Variants in CNTNAP5 observed in about 807,000 individuals in gnomAD.
CNTNAP5 encodes the protein contactin associated protein family member 5.
Under a neutral mutation model 150.2 loss-of-function variants are expected in CNTNAP5, and 72 were observed. That is an observed-to-expected ratio of 0.48 (90% CI 0.40 to 0.58). The LOEUF is 0.58. CNTNAP5 is among the 20% of genes least tolerant of loss of function. CNTNAP5 has a pLI of 0.00. For missense variants in CNTNAP5, 1,636 were observed against 1,626.2 expected, an observed-to-expected ratio of 1.01 and a Z score of -0.10; for synonymous variants, 672 against 619.8, an observed-to-expected ratio of 1.08 and a Z score of -1.25.
At chr2:124,660,605 T>C (rs1678567309) in intron 13 of CNTNAP5, among the ~76,000 whole-genome samples, 1 of 151,836 alleles carries the variant, frequency 6.6e-6, no homozygotes, top group African/African-American at 2.4e-5. Context: ...ATACACTGTT[T>C]TACATTATTT....
intron 1 of CNTNAP5, among the ~76,000 whole-genome samples, chr2:124,075,916 T>G (rs1291912446): frequency 6.6e-6 from 1 of 152,282 alleles, no homozygotes; most frequent in South Asian, 2.1e-4. Context: ...GCCATGTTTT[T>G]GGAGGGCTTT....
intron 14 of CNTNAP5, among the ~76,000 whole-genome samples, chr2:124,747,706 G>A (rs952865256): frequency 2.3e-5 from 3 of 127,982 alleles, no homozygotes; most frequent in Non-Finnish European, 4.7e-5. Context: ...TGCAACCTCC[G>A]CCTGCCAGGT....
chr2:124,579,858 T>A (rs958290043), intron 11 of CNTNAP5, among the ~76,000 whole-genome samples: 1 of 152,232 alleles, frequency 6.6e-6, no homozygotes, highest in Non-Finnish European at 1.5e-5. Context: ...GAGGGAGTTT[T>A]TAAGCAAAAT....
At chr2:124,458,719 ATAAGT>A (rs1177373429) in intron 6 of CNTNAP5, among the ~76,000 whole-genome samples, 1 of 152,244 alleles carries the variant, frequency 6.6e-6, no homozygotes, top group Non-Finnish European at 1.5e-5. Context: ...ACTTTTATTA[ATAAGT>A]TAAAAGTGTC....
At chr2:124,277,499 T>G (rs1687910292) in intron 3 of CNTNAP5, among the ~76,000 whole-genome samples, 2 of 152,188 alleles carry the variant, frequency 1.3e-5, no homozygotes, top group South Asian at 4.1e-4. Context: ...TATTCCTGTC[T>G]CCATGAAACC....
chr2:124,363,170 C>A (rs1335363830), intron 3 of CNTNAP5, among the ~76,000 whole-genome samples: 1 of 152,168 alleles, frequency 6.6e-6, no homozygotes, highest in Non-Finnish European at 1.5e-5. Flanking sequence ...CATATCCAAC[C>A]CCAATTCCAC....
intron 7 of CNTNAP5, among the ~76,000 whole-genome samples, chr2:124,480,182 G>A (rs1156357197): frequency 6.6e-6 from 1 of 152,138 alleles, no homozygotes; most frequent in Non-Finnish European, 1.5e-5. Context: ...TGGGTTTGCA[G>A]TAAATATATT....
At chr2:124,586,206 G>T (rs897877569) in intron 11 of CNTNAP5, among the ~76,000 whole-genome samples, 6 of 152,188 alleles carry the variant, frequency 3.9e-5, no homozygotes, top group Non-Finnish European at 8.8e-5. Flanking sequence ...ATCAACGAAT[G>T]AGCTGTGCTA....
intron 3 of CNTNAP5, among the ~76,000 whole-genome samples, chr2:124,414,556 C>T (rs1205212469): frequency 6.6e-6 from 1 of 152,084 alleles, no homozygotes; most frequent in East Asian, 1.9e-4. Context: ...ACTAAGGCTG[C>T]CTCTTCTCAG....
At chr2:124,348,908 T>C (rs1689804118) in intron 3 of CNTNAP5, among the ~76,000 whole-genome samples, 1 of 152,312 alleles carries the variant, frequency 6.6e-6, no homozygotes, top group South Asian at 2.1e-4. Context: ...ATTCTCTCTA[T>C]ATGTCTATGT....
chr2:124,070,641 G>T (rs1682282779), intron 1 of CNTNAP5, among the ~76,000 whole-genome samples: 1 of 151,846 alleles, frequency 6.6e-6, no homozygotes, highest in African/African-American at 2.4e-5. Flanking sequence ...TACAGGAAAA[G>T]AATGATGATT....
chr2:124,687,599 C>A (rs1679217891), intron 13 of CNTNAP5, among the ~76,000 whole-genome samples: 1 of 140,578 alleles, frequency 7.1e-6, no homozygotes, highest in Non-Finnish European at 1.5e-5. Flanking sequence ...TCACAGGAAG[C>A]AACTTCTATA....
At chr2:124,644,362 G>T (rs772723603) in intron 12 of CNTNAP5, among the ~76,000 whole-genome samples, 2 of 152,120 alleles carry the variant, frequency 1.3e-5, no homozygotes, top group African/African-American at 2.4e-5. Flanking sequence ...CAATGCAGCT[G>T]AGGAAGAAAA....
intron 1 of CNTNAP5, among the ~76,000 whole-genome samples, chr2:124,047,072 AAC>A (rs1232001296): frequency 6.6e-6 from 1 of 152,208 alleles, no homozygotes; most frequent in Non-Finnish European, 1.5e-5. Context: ...TTTACTAGAT[AAC>A]AGCAAAAATA....
chr2:124,282,884 T>C (rs1285834484), intron 3 of CNTNAP5, among the ~76,000 whole-genome samples: 1 of 152,106 alleles, frequency 6.6e-6, no homozygotes. Context: ...AGATAATATA[T>C]CATTACTGTC....
chr2:124,811,030 G>GA (rs149507944), intron 19 of CNTNAP5, among the ~76,000 whole-genome samples: 22,741 of 152,094 alleles, frequency 0.15, 1,776 homozygotes, highest in African/African-American at 0.17. Context: ...GAGGATCCTA[G>GA]AAAAGTCTGC....
At chr2:124,614,725 A>G (rs1677458091) in intron 12 of CNTNAP5, among the ~76,000 whole-genome samples, 1 of 152,048 alleles carries the variant, frequency 6.6e-6, no homozygotes, top group Admixed American at 6.6e-5. Flanking sequence ...TTTTGGTGGT[A>G]TTTGGCCAGC....
At chr2:124,547,685 G>A (rs945951641) in intron 10 of CNTNAP5, among the ~76,000 whole-genome samples, 1 of 152,206 alleles carries the variant, frequency 6.6e-6, no homozygotes, top group African/African-American at 2.4e-5. Flanking sequence ...GCCAAAGAGA[G>A]CCCCTTGCAG....
intron 8 of CNTNAP5, among the ~76,000 whole-genome samples, chr2:124,514,458 T>A (rs1694660597): frequency 2.0e-5 from 3 of 152,190 alleles, no homozygotes; most frequent in Admixed American, 2.0e-4. Context: ...ATTTTTTACT[T>A]TGACAATTTT....
Sources: gnomAD v4.1 joint callset for allele counts (sites outside exome capture counted in the v4.1 genomes callset) on GRCh38, gnomAD v4.1.1 for gene constraint, MANE v1.5 for transcripts, NCBI Gene and HGNC (gene_info 2026-07-23, HGNC 2026-07-21) for gene names.